The following NAV2 variants were observed in gnomAD, a reference collection of about 807,000 sequenced individuals.
The protein encoded by NAV2 is neuron navigator 2.
A neutral mutation model predicts 223.2 loss-of-function variants in NAV2; 54 were observed. The ratio of observed to expected loss-of-function variants is 0.24; its 90% CI spans 0.19 to 0.30. The LOEUF (loss-of-function observed/expected upper bound fraction) is 0.30, where lower values mean the gene tolerates loss of function less well. NAV2 is among the 10% of genes least tolerant of loss of function. The pLI is 1.00. For missense variants in NAV2, 2,806 were observed against 3,147.5 expected (o/e 0.89, Z 2.60); for synonymous variants, 1,279 against 1,239.3 (o/e 1.03, Z -0.67).
At chr11:19,991,291 A>T (rs2051307689) in intron 11 of NAV2, among the ~76,000 whole-genome samples, 1 of 151,834 alleles carries the variant, frequency 6.6e-6, no homozygotes, top group East Asian at 1.9e-4. Context: ...GCACCCGGCT[A>T]ATTTTTGCAT....
chr11:19,488,315 G>C (rs559670434), intron 1 of NAV2, among the ~76,000 whole-genome samples: 1 of 152,346 alleles, frequency 6.6e-6, no homozygotes, highest in Admixed American at 6.5e-5. Flanking sequence ...AGCTTTATTA[G>C]TCGCAATAAC....
At chr11:19,742,953 A>AG in intron 1 of NAV2, among the ~76,000 whole-genome samples, 1 of 152,226 alleles carries the variant, frequency 6.6e-6, no homozygotes, top group East Asian at 1.9e-4. Context: ...TAAAGATGTC[A>AG]AAGTTTGTAG....
chr11:19,887,778 A>C (rs2041140571), intron 5 of NAV2, among the ~76,000 whole-genome samples: 1 of 152,086 alleles, frequency 6.6e-6, no homozygotes, highest in Non-Finnish European at 1.5e-5. Flanking sequence ...GCTGAAAAGC[A>C]GATGCCATGG....
At chr11:19,894,421 G>C (rs1186532285) in intron 6 of NAV2, among the ~76,000 whole-genome samples, 1 of 152,176 alleles carries the variant, frequency 6.6e-6, no homozygotes, top group Non-Finnish European at 1.5e-5. Flanking sequence ...ACTCATTTGG[G>C]GAGAAGCTAT....
chr11:19,780,537 C>A (rs1272443609), intron 1 of NAV2, among the ~76,000 whole-genome samples: 2 of 152,274 alleles, frequency 1.3e-5, no homozygotes, highest in Non-Finnish European at 2.9e-5. Context: ...GCACGGAGTG[C>A]AGGTAGTCCA....
rs10524489 is a variant in NAV2 at position 19,897,886 on chromosome 11, T to TTATATATATATATATATATATATA, written c.931+5311_931+5312insATATATATATATATATATATATAT. ...GCCACAGCTGTGCCTGACCTGTGAT[T>TTATATATATATATATATATATATA]TATATATATATATATATATGTGAGC... On this transcript the variant is annotated intron_variant, in intron 6 of 37. Transcript: ENST00000349880. Among the ~76,000 whole-genome samples the TTATATATATATATATATATATATA allele has an allele frequency of 1.5e-3, 176 of 120,616 alleles. 3 individuals are homozygous for TTATATATATATATATATATATATA. Among genetic ancestry groups the TTATATATATATATATATATATATA allele is most frequent in the Admixed American group, 6.2e-3 (75 of 12,112 alleles). The allele number at this position is 120,616 out of a possible 152,430, so 79.1% of individuals were successfully genotyped here. A position where few individuals can be genotyped will look rare whatever the true frequency, so the allele number is the denominator to read the frequency against.
chr11:19,381,652 G>A (rs1016234381), intron 1 of NAV2, among the ~76,000 whole-genome samples: 2 of 152,176 alleles, frequency 1.3e-5, no homozygotes, highest in African/African-American at 4.8e-5. Context: ...GCTCTGAAGC[G>A]AGCTGGTGTC....
At chr11:19,906,889 T>G (rs1423359635) in intron 6 of NAV2, among the ~76,000 whole-genome samples, 1 of 152,182 alleles carries the variant, frequency 6.6e-6, no homozygotes, top group African/African-American at 2.4e-5. Context: ...TTCTCTGCTT[T>G]CTCTTTCCCA....
In NAV2 at chr11:19,821,166, G is replaced by A. The variant is rs577274808; in HGVS notation, c.268-11318G>A. Among the ~76,000 whole-genome samples the A allele has an allele frequency of 8.8e-4, 133 of 151,820 alleles. No individual in the cohort carries two copies. The Middle Eastern group carries it at 0.014, about 16-fold the overall frequency. On this transcript the variant is annotated intron_variant, in intron 1 of 37. Coordinates refer to ENST00000349880, the MANE Select transcript of NAV2 (RefSeq NM_145117.5). ...AGTCCCAGCTACTTGGGAGGCTGAG[G>A]CAGGAGAATGGTGTGAACCCGGGAG...
chr11:19,882,231 T>C (rs2153096578), intron 5 of NAV2, among the ~76,000 whole-genome samples: 1 of 152,274 alleles, frequency 6.6e-6, no homozygotes, highest in East Asian at 1.9e-4. Flanking sequence ...ATCCTACAGA[T>C]GAGTTGGGCC....
At chr11:19,951,910 C>T (rs1446848191) in intron 10 of NAV2, among the ~76,000 whole-genome samples, 1 of 152,200 alleles carries the variant, frequency 6.6e-6, no homozygotes, top group East Asian at 1.9e-4. Flanking sequence ...GAACTTTGGT[C>T]TGGTTTCTCT....
intron 1 of NAV2, among the ~76,000 whole-genome samples, chr11:19,446,705 G>T (rs551638723): frequency 1.3e-5 from 2 of 152,188 alleles, no homozygotes; most frequent in Non-Finnish European, 1.5e-5. Context: ...GCAAACAGCT[G>T]AACCGCTGAA....
At chr11:19,369,919 T>C (rs1316778702) in intron 1 of NAV2, among the ~76,000 whole-genome samples, 2 of 152,230 alleles carry the variant, frequency 1.3e-5, no homozygotes, top group Non-Finnish European at 2.9e-5. Flanking sequence ...CTCTAAGACC[T>C]GGTACAGGCT....
chr11:20,058,649 C>T (rs947166604), intron 19 of NAV2, among the ~76,000 whole-genome samples: 1 of 152,204 alleles, frequency 6.6e-6, no homozygotes, highest in South Asian at 2.1e-4. Context: ...TGTATTGCAG[C>T]ATGCTTGTGT....
At chr11:19,397,009 C>G (rs998876295) in intron 1 of NAV2, among the ~76,000 whole-genome samples, 7 of 152,158 alleles carry the variant, frequency 4.6e-5, no homozygotes, top group Non-Finnish European at 1.5e-5. Flanking sequence ...GTATCTCTCC[C>G]TTGCAGTTCC....
intron 11 of NAV2, among the ~76,000 whole-genome samples, chr11:20,019,581 T>C (rs1437260166): frequency 1.3e-5 from 2 of 152,104 alleles, no homozygotes; most frequent in East Asian, 3.9e-4. Flanking sequence ...GTGGTAGTTA[T>C]AACTTAGTTA....
intron 1 of NAV2, among the ~76,000 whole-genome samples, chr11:19,603,719 A>G (rs2046409118): frequency 6.6e-6 from 1 of 152,172 alleles, no homozygotes; most frequent in African/African-American, 2.4e-5. Flanking sequence ...CAGCATATCT[A>G]AAGCAGGGAG....
At chr11:19,619,404 C>T (rs1024004383) in intron 1 of NAV2, among the ~76,000 whole-genome samples, 1 of 152,166 alleles carries the variant, frequency 6.6e-6, no homozygotes, top group African/African-American at 2.4e-5. Flanking sequence ...TATTTCTCCA[C>T]ATCCTCTCCA....
chr11:19,931,012 C>T (rs2045281835), intron 6 of NAV2, among the ~76,000 whole-genome samples: 1 of 152,214 alleles, frequency 6.6e-6, no homozygotes, highest in East Asian at 1.9e-4. Flanking sequence ...GACACCATGT[C>T]AGGAGACCTG....
Sources: allele counts gnomAD v4.1 joint callset (sites outside exome capture counted in the v4.1 genomes callset), GRCh38; gene constraint gnomAD v4.1.1; transcripts MANE v1.5; gene names NCBI Gene and HGNC (gene_info 2026-07-23, HGNC 2026-07-21).